The following ANKRD13B variants were observed in gnomAD, a reference collection of about 807,000 sequenced individuals.
ANKRD13B encodes the protein ankyrin repeat domain 13B.
Under a neutral mutation model 74.4 loss-of-function variants are expected in ANKRD13B, and 33 were observed. The observed-to-expected ratio is 0.44, with a 90% CI of 0.34 to 0.59. The LOEUF (loss-of-function observed/expected upper bound fraction) is 0.59, where lower values mean the gene tolerates loss of function less well. Ranked by LOEUF, ANKRD13B falls within the 20% of genes least tolerant of loss-of-function variation. The probability of loss-of-function intolerance (pLI) is 0.02; values close to 1 mark genes in which losing one functional copy is unlikely to be tolerated. For synonymous variants in ANKRD13B, 341 were observed against 362.9 expected (o/e 0.94, Z 0.68); for missense variants, 676 against 877.9 (o/e 0.77, Z 2.91).
In ANKRD13B at chr17:29,610,754, G is replaced by A; in HGVS notation, c.892G>A (p.Gly298Ser). Residue 298 changes from glycine to serine, a missense_variant, in exon 8 of 15, where the codon GGC becomes AGC. Gly to Ser is a moderately conservative substitution (Grantham distance 56, BLOSUM62 0). Around this residue, in one of 4 missense-constraint regions of ANKRD13B, gnomAD observed 328 missense variants for 518.4 expected, o/e 0.63. Transcript: ENST00000394859. ...AGAACATCTTTCAGAACAGCACAAGGGCAAGGTCAAAGGTAATGAGGCAGA... is the reference window on the plus strand; with the variant it reads ...AGAACATCTTTCAGAACAGCACAAGAGCAAGGTCAAAGGTAATGAGGCAGA... ...RTEHLSEQHK[G>S]KVKGCKTPLQ... The A allele has an allele frequency of 6.2e-7, 1 of 1,613,932 alleles. No homozygotes were observed. The highest frequency in any genetic ancestry group is 8.5e-7 in the Non-Finnish European group (1 of 1,179,888).
chr17:29,599,195 G>A (rs139413611), intron 1 of ANKRD13B, among the ~76,000 whole-genome samples: 101 of 152,300 alleles, frequency 6.6e-4, no homozygotes, highest in Middle Eastern at 3.4e-3. Flanking sequence ...CCTGGAGAAC[G>A]TTCCGGGGAA....
chr17:29,608,867 G>A lies in ANKRD13B; in HGVS notation c.438G>A (p.Lys146=). Residue 146 remains lysine, a synonymous_variant, in exon 5 of 15, where the codon AAG becomes AAA. Coordinates refer to ENST00000394859, the MANE Select transcript of ANKRD13B (RefSeq NM_152345.5). This position sits in a 1 kb window ranked among gnomAD's most constrained non-coding sequence, Gnocchi z 6.4. ...EFTSWVPLVS[K]ICPSDTYKVW... ...TTCCACCAGTGCCCCTGGTGTCCAA[G>A]ATCTGCCCTAGTGACACCTACAAAG... 1 of 1,614,128 alleles carries A rather than the reference G, an allele frequency of 6.2e-7. No individual in the cohort carries two copies.
Position 29,613,361 on chromosome 17 carries a change from C to G in ANKRD13B, c.1660C>G (p.Pro554Ala), listed in dbSNP as rs2034678328. 4 of 1,460,734 alleles carry G rather than the reference C, an allele frequency of 2.7e-6. No individual in the cohort carries two copies. The highest frequency in any genetic ancestry group is 2.7e-6 in the Non-Finnish European group (3 of 1,114,584). The allele number at this position is 1,460,734 out of a possible 1,614,324, so 90.5% of individuals were successfully genotyped here. Reference protein sequence around the residue: ...YEGRRQDRSAPPTPQRQPAPP... With the variant: ...YEGRRQDRSAAPTPQRQPAPP... ...TTCCTTCCCCACCCCCAGGAGCGCC[C>G]CGCCCACGCCGCAGCGCCAGCCTGC... Residue 554 changes from proline to alanine, a missense_variant, in exon 15 of 15, where the codon CCG (proline) becomes GCG (alanine). Around this residue, in one of 4 missense-constraint regions of ANKRD13B, gnomAD observed 152 missense variants for 181.4 expected, o/e 0.84. Coordinates refer to ENST00000394859, the MANE Select transcript of ANKRD13B (RefSeq NM_152345.5).
At position 29,612,909 on chromosome 17, in the gene ANKRD13B, CCAA is replaced by C; in HGVS notation, c.1601_1603del (p.Asn534del). ...CAGGTCACCATCTGGGAGGCGCTAA[CCAA>C]CAGCAAGCCAGGCACCCACCCCATG... is the stretch of plus-strand genomic sequence containing the variant. On this transcript the variant is annotated inframe_deletion, in exon 14 of 15. Coordinates refer to ENST00000394859, the MANE Select transcript of ANKRD13B (RefSeq NM_152345.5). This position sits in a 1 kb window ranked among gnomAD's most constrained non-coding sequence, Gnocchi z 6.1. 6.3e-7 allele frequency: 1 copy of C among 1,598,712 alleles called. No individual in the cohort carries two copies. Among genetic ancestry groups the C allele is most frequent in the Non-Finnish European group, 8.5e-7 (1 of 1,179,736 alleles).
intron 1 of ANKRD13B, among the ~76,000 whole-genome samples, chr17:29,604,691 A>G (rs141243340): frequency 0.034 from 5,170 of 151,296 alleles, 128 homozygotes; most frequent in Middle Eastern, 0.078. Context: ...ACAGGCACCC[A>G]TCACCAAGCC....
At chr17:29,599,009 T>G (rs1365447548) in intron 1 of ANKRD13B, among the ~76,000 whole-genome samples, 1 of 152,188 alleles carries the variant, frequency 6.6e-6, no homozygotes, top group Non-Finnish European at 1.5e-5. Flanking sequence ...ACCTGGCTGA[T>G]GGGGCTTCTG....
intron 1 of ANKRD13B, among the ~76,000 whole-genome samples, chr17:29,603,710 T>C (rs759217528): frequency 1.3e-5 from 2 of 152,210 alleles, no homozygotes; most frequent in African/African-American, 2.4e-5. Context: ...TATCTTTAGA[T>C]GGTCCACTGG....
chr17:29,593,693 C>T lies in ANKRD13B; in HGVS notation c.72C>T (p.His24=). 2.8e-6 allele frequency: 4 copies of T among 1,443,422 alleles called. No individual in the cohort carries two copies. Among genetic ancestry groups the T allele is most frequent in the Non-Finnish European group, 3.7e-6 (4 of 1,089,498 alleles). 89.4% of individuals were successfully genotyped at this position (1,443,422 alleles called of 1,614,324 possible). A position where few individuals can be genotyped will look rare whatever the true frequency, so the allele number is the denominator to read the frequency against. Residue 24 remains histidine (H), a synonymous_variant, in exon 1 of 15, where the codon CAC becomes CAT. Coordinates refer to ENST00000394859, the MANE Select transcript of ANKRD13B (RefSeq NM_152345.5). ...GKYPLHYLVW[H]NRHRELEKEV... is the part of the protein sequence containing the mutation. ...ATCCGCTGCACTACCTCGTGTGGCA[C>T]AACCGCCACCGCGAGCTGGAGAAGG...
intron 1 of ANKRD13B, among the ~76,000 whole-genome samples, chr17:29,604,401 G>A (rs753657977): frequency 9.9e-5 from 15 of 151,794 alleles, no homozygotes; most frequent in Non-Finnish European, 1.6e-4. Flanking sequence ...TAGACATGGG[G>A]TTTTGGTATG....
At position 29,612,377 on chromosome 17, in the gene ANKRD13B, C is replaced by A. The variant is rs1320606591; in HGVS notation, c.1259-25C>A. The A allele has an allele frequency of 6.2e-7, 1 of 1,612,210 alleles. No homozygotes were observed. The highest frequency in any genetic ancestry group is 8.5e-7 in the Non-Finnish European group (1 of 1,178,934). On this transcript the variant is annotated intron_variant, in intron 11 of 14. Coordinates refer to ENST00000394859, the MANE Select transcript of ANKRD13B (RefSeq NM_152345.5). This position sits in a 1 kb window ranked among gnomAD's most constrained non-coding sequence, Gnocchi z 6.1. The stretch of plus-strand genomic sequence containing the variant: ...TGAGGTGTGAGGGGCTGAGTGGTGG[C>A]GCCTAAAGGTTTCCTCATCCTCAGA...
rs752991406 is a variant in ANKRD13B, at chr17:29,611,618, A to AGCAGCACGG, written c.946_954dup (p.Gln316_Gly318dup). 4 of 1,614,160 alleles carry AGCAGCACGG rather than the reference A, an allele frequency of 2.5e-6. No homozygotes were observed. The highest frequency in any genetic ancestry group is 1.7e-6 in the Non-Finnish European group (2 of 1,180,016). On this transcript the variant is annotated inframe_insertion, in exon 9 of 15. Coordinates refer to ENST00000394859, the MANE Select transcript of ANKRD13B (RefSeq NM_152345.5). The surrounding 1 kb of genome is among the most constrained non-coding windows in gnomAD (Gnocchi z 4.3). ...TTGCAGTCCTTCCTGGGAATCGCTGAGCAGCACGGGGGCCCCCAAAATGGG... is the reference window on the plus strand; with the variant it reads ...TTGCAGTCCTTCCTGGGAATCGCTGAGCAGCACGGGCAGCACGGGGGCCCCCAAAATGGG...
intron 1 of ANKRD13B, 71 bp downstream of exon 1, chr17:29,593,806 C>G (rs1291373008): frequency 4.2e-6 from 4 of 947,822 alleles, no homozygotes; most frequent in African/African-American, 3.6e-5. Context: ...GGAGGGGGTG[C>G]GGCGCGGGCT....
rs547111576 is a variant in ANKRD13B, at chr17:29,606,778, G to T, written c.115-964G>T. 2.7e-5 allele frequency among the ~76,000 whole-genome samples: 4 copies of T among 148,308 alleles called. No individual in the cohort carries two copies. In the East Asian group the frequency reaches 5.9e-4, roughly 22 times the overall value. ...AAAAAAAATCTTTTGTCTGGGCACT[G>T]CGGCTCACACCTGTAATCCCAGCAC... is the stretch of plus-strand genomic sequence containing the variant. On this transcript the variant is annotated intron_variant, in intron 1 of 14. Coordinates refer to ENST00000394859, the MANE Select transcript of ANKRD13B (RefSeq NM_152345.5).
chr17:29,595,880 C>G (rs537035133), intron 1 of ANKRD13B, among the ~76,000 whole-genome samples: 42 of 152,276 alleles, frequency 2.8e-4, no homozygotes, highest in Non-Finnish European at 5.4e-4. Flanking sequence ...TCTCCCCTCT[C>G]GAGGACTGGC....
In ANKRD13B at chr17:29,611,804, T is replaced by C; in HGVS notation, c.970-72T>C. The C allele has an allele frequency of 6.4e-7, 1 of 1,565,074 alleles. No individual in the cohort carries two copies. Among genetic ancestry groups the C allele is most frequent in the Non-Finnish European group, 8.7e-7 (1 of 1,152,618 alleles). ...GGCAGAGGGGACAGCTTGGGGGCCTTGTGACAACAAATGAGTTGGCCTGGC... is the reference window on the plus strand; with the variant it reads ...GGCAGAGGGGACAGCTTGGGGGCCTCGTGACAACAAATGAGTTGGCCTGGC... On this transcript the variant is annotated intron_variant, in intron 9 of 14. Coordinates refer to ENST00000394859, the MANE Select transcript of ANKRD13B (RefSeq NM_152345.5). This position sits in a 1 kb window ranked among gnomAD's most constrained non-coding sequence, Gnocchi z 4.3.
Position 29,611,538 on chromosome 17 carries a change from G to T in ANKRD13B, c.905-41G>T. On this transcript the variant is annotated intron_variant, in intron 8 of 14. Coordinates refer to ENST00000394859, the MANE Select transcript of ANKRD13B (RefSeq NM_152345.5). The surrounding 1 kb of genome is among the most constrained non-coding windows in gnomAD (Gnocchi z 4.3). ...CCTCTGATGAGGTGCCCAGGTGTGT[G>T]TGGAGTTGCGGTGTCCTCTGAGATG... The T allele has an allele frequency of 1.9e-6, 3 of 1,600,666 alleles. No individual in the cohort carries two copies. Among genetic ancestry groups the T allele is most frequent in the Non-Finnish European group, 2.6e-6 (3 of 1,167,878 alleles).
chr17:29,603,863 G>A (rs1457991901), intron 1 of ANKRD13B, among the ~76,000 whole-genome samples: 1 of 144,768 alleles, frequency 6.9e-6, no homozygotes, highest in Non-Finnish European at 1.5e-5. Context: ...CTGATTATAG[G>A]TTATATTTTC....
chr17:29,613,740 C>T lies in ANKRD13B; in HGVS notation c.*158C>T. ...AGCAGGCACGGTTCGGGGAGGGATT[C>T]GGCATGGCCGCGGGGTACCTTCCCA... is the stretch of plus-strand genomic sequence containing the variant. On this transcript the variant is annotated 3_prime_UTR_variant, in exon 15 of 15. Transcript: ENST00000394859. 8.2e-7 allele frequency: 1 copy of T among 1,212,292 alleles called. No individual in the cohort carries two copies. Among genetic ancestry groups the T allele is most frequent in the Non-Finnish European group, 1.1e-6 (1 of 926,490 alleles). 75.1% of individuals were successfully genotyped at this position (1,212,292 alleles called of 1,614,324 possible).
intron 1 of ANKRD13B, among the ~76,000 whole-genome samples, chr17:29,603,330 C>T (rs1169396650): frequency 6.6e-6 from 1 of 151,984 alleles, no homozygotes; most frequent in Non-Finnish European, 1.5e-5. Context: ...CAGCCTCGAA[C>T]TCCTGGGCTC....
Sources: gnomAD v4.1 joint callset for allele counts (sites outside exome capture counted in the v4.1 genomes callset) on GRCh38, gnomAD v4.1.1 for gene constraint, gnomAD v4.1.1 regional missense constraint, Gnocchi (gnomAD v3.1) non-coding constraint, MANE v1.5 for transcripts, NCBI Gene and HGNC (gene_info 2026-07-23, HGNC 2026-07-21) for gene names.